The following ROBO1 variants were observed in gnomAD, a reference collection of about 807,000 sequenced individuals.
The protein encoded by ROBO1 is roundabout homolog 1.
ROBO1 carries 149 observed loss-of-function variants against 195.9 expected under a neutral mutation model. The observed-to-expected ratio is 0.76, with a 90% CI of 0.67 to 0.87. ROBO1 has a LOEUF of 0.87. ROBO1 is among the 40% of genes least tolerant of loss of function. The probability of loss-of-function intolerance (pLI) is 0.00; values close to 1 mark genes in which losing one functional copy is unlikely to be tolerated. For synonymous variants in ROBO1, 816 were observed against 733.2 expected, an observed-to-expected ratio of 1.11 and a Z score of -1.82; for missense variants, 1,933 against 2,068.3, an observed-to-expected ratio of 0.93 and a Z score of 1.27.
chr3:78,705,357 C>A (rs2081524987), intron 8 of ROBO1, among the ~76,000 whole-genome samples: 1 of 152,174 alleles, frequency 6.6e-6, no homozygotes, highest in African/African-American at 2.4e-5. Context: ...CACCCACTTT[C>A]TTGGGAATTC....
At chr3:79,012,017 C>T (rs1180042915) in intron 3 of ROBO1, among the ~76,000 whole-genome samples, 2 of 152,120 alleles carry the variant, frequency 1.3e-5, no homozygotes, top group East Asian at 3.9e-4. Flanking sequence ...CCCCAGCTCT[C>T]AGGTCCTGTA....
chr3:78,946,540 A>G (rs1288688769), intron 3 of ROBO1, among the ~76,000 whole-genome samples: 1 of 152,226 alleles, frequency 6.6e-6, no homozygotes, highest in African/African-American at 2.4e-5. Context: ...TGTGGAAAGG[A>G]ACAACTGGTA....
At chr3:79,062,469 A>G (rs2078936254) in intron 3 of ROBO1, among the ~76,000 whole-genome samples, 1 of 152,124 alleles carries the variant, frequency 6.6e-6, no homozygotes, top group Non-Finnish European at 1.5e-5. Context: ...AACTAGAAAT[A>G]CCATTTGACC....
At chr3:79,499,840 T>G (rs895437760) in intron 2 of ROBO1, among the ~76,000 whole-genome samples, 2 of 152,130 alleles carry the variant, frequency 1.3e-5, no homozygotes, top group African/African-American at 4.8e-5. Context: ...ATTGATTGAT[T>G]TTATCTGTTG....
At chr3:78,896,658 C>CAA (rs142287501) in intron 4 of ROBO1, among the ~76,000 whole-genome samples, 18,394 of 67,290 alleles carry the variant, frequency 0.27, 1,712 homozygotes, top group East Asian at 0.38. Flanking sequence ...TTGTTGCTCA[C>CAA]AAAAAAAAAA....
chr3:79,210,492 T>C (rs1261339919), intron 2 of ROBO1, among the ~76,000 whole-genome samples: 3 of 152,188 alleles, frequency 2.0e-5, no homozygotes, highest in Admixed American at 6.5e-5. Flanking sequence ...AGGTACCTTA[T>C]ATCTATCCAT....
intron 2 of ROBO1, among the ~76,000 whole-genome samples, chr3:79,535,763 G>A: frequency 8.1e-6 from 1 of 122,796 alleles, no homozygotes; most frequent in South Asian, 2.5e-4. Flanking sequence ...GACGAGCTGT[G>A]GCAAAAATCT....
At chr3:79,585,752 A>T (rs1219265875) in intron 2 of ROBO1, among the ~76,000 whole-genome samples, 1 of 151,898 alleles carries the variant, frequency 6.6e-6, no homozygotes, top group Non-Finnish European at 1.5e-5. Flanking sequence ...CAAACTCTTT[A>T]TTTCAGTGAT....
chr3:79,548,866 A>G (rs1942371853), intron 2 of ROBO1, among the ~76,000 whole-genome samples: 1 of 152,142 alleles, frequency 6.6e-6, no homozygotes, highest in Non-Finnish European at 1.5e-5. Flanking sequence ...ATTGAGCAGC[A>G]AGTAATCAGT....
At chr3:78,677,345 G>A (rs1323578067) in intron 10 of ROBO1, among the ~76,000 whole-genome samples, 1 of 152,096 alleles carries the variant, frequency 6.6e-6, no homozygotes, top group East Asian at 1.9e-4. Flanking sequence ...AATGTAAATG[G>A]ACTAAATGCT....
chr3:79,208,742 G>A (rs1287962424), intron 2 of ROBO1, among the ~76,000 whole-genome samples: 1 of 150,824 alleles, frequency 6.6e-6, no homozygotes, highest in Non-Finnish European at 1.5e-5. Context: ...CATGTGTGTT[G>A]TGTATGTGTG....
intron 2 of ROBO1, among the ~76,000 whole-genome samples, chr3:79,469,557 G>A (rs938378817): frequency 4.6e-5 from 7 of 152,120 alleles, no homozygotes; most frequent in African/African-American, 1.2e-4. Context: ...ATCAGCAGCC[G>A]GATTTAAATC....
At chr3:79,526,448 T>C (rs1277915449) in intron 2 of ROBO1, 1 of 152,174 alleles carries the variant, frequency 6.6e-6, no homozygotes, top group Non-Finnish European at 1.5e-5. Flanking sequence ...TAGGGATTGT[T>C]AGCTTCAAAA....
At chr3:79,109,536 A>T (rs2079846496) in intron 3 of ROBO1, among the ~76,000 whole-genome samples, 2 of 152,086 alleles carry the variant, frequency 1.3e-5, no homozygotes, top group Admixed American at 6.6e-5. Flanking sequence ...TTTCTCAAAG[A>T]TAGCTAGCAC....
intron 2 of ROBO1, among the ~76,000 whole-genome samples, chr3:79,528,104 G>A (rs1299495300): frequency 1.4e-5 from 2 of 145,418 alleles, no homozygotes; most frequent in African/African-American, 5.2e-5. Context: ...CACCACATAT[G>A]AATACACGTC....
intron 2 of ROBO1, among the ~76,000 whole-genome samples, chr3:79,394,045 C>A (rs1433394326): frequency 6.6e-6 from 1 of 151,348 alleles, no homozygotes; most frequent in African/African-American, 2.4e-5. Flanking sequence ...CCCTTAGTAT[C>A]ACAAAAAGAG....
chr3:78,818,205 G>C (rs568117792), intron 4 of ROBO1, among the ~76,000 whole-genome samples: 2 of 152,222 alleles, frequency 1.3e-5, no homozygotes, highest in South Asian at 4.1e-4. Flanking sequence ...GTGGGGAGAC[G>C]GTGGATCCAG....
At chr3:78,897,476 G>T (rs2037307150) in intron 4 of ROBO1, among the ~76,000 whole-genome samples, 1 of 152,122 alleles carries the variant, frequency 6.6e-6, no homozygotes, top group Non-Finnish European at 1.5e-5. Context: ...CGGTAGATAT[G>T]TTCATCAGTT....
At chr3:79,320,040 A>C (rs978492856) in intron 2 of ROBO1, among the ~76,000 whole-genome samples, 4 of 152,206 alleles carry the variant, frequency 2.6e-5, no homozygotes, top group Admixed American at 1.3e-4. Flanking sequence ...AAACATATGT[A>C]ATGTCTTAAT....
Sources: allele counts gnomAD v4.1 joint callset (sites outside exome capture counted in the v4.1 genomes callset), GRCh38; gene constraint gnomAD v4.1.1; transcripts MANE v1.5; gene names NCBI Gene and HGNC (gene_info 2026-07-23, HGNC 2026-07-21).